TMEM130: variants seen among roughly 807,000 people sequenced by gnomAD.
TMEM130 encodes transmembrane protein 130.
TMEM130 carries 37 observed loss-of-function variants against 42.9 expected under a neutral mutation model. The ratio of observed to expected loss-of-function variants is 0.86; its 90% CI spans 0.66 to 1.13. TMEM130 has a LOEUF of 1.13. Ranked by LOEUF, TMEM130 falls within the 50% of genes most tolerant of loss-of-function variation. The pLI is 0.00. For synonymous variants in TMEM130, 259 were observed against 237.7 expected (o/e 1.09, Z -0.82); for missense variants, 545 against 562.6 (o/e 0.97, Z 0.32).
chr7:98,868,916 T>G (rs914975284), intron 1 of TMEM130, among the ~76,000 whole-genome samples: 4 of 152,202 alleles, frequency 2.6e-5, no homozygotes, highest in African/African-American at 9.7e-5. Flanking sequence ...ATCCCTGAGT[T>G]GCAGGTTTTC....
At chr7:98,850,554 C>T (rs1327832479) in intron 6 of TMEM130, among the ~76,000 whole-genome samples, 1 of 151,760 alleles carries the variant, frequency 6.6e-6, no homozygotes, top group African/African-American at 2.4e-5. Flanking sequence ...GCTGCAATTA[C>T]AGGCACGAGC....
At chr7:98,859,439 ACC>A (rs1794705652) in intron 3 of TMEM130, among the ~76,000 whole-genome samples, 1 of 152,180 alleles carries the variant, frequency 6.6e-6, no homozygotes, top group Admixed American at 6.5e-5. Flanking sequence ...TGTTTTGGGC[ACC>A]AATGGCCTCC....
intron 1 of TMEM130, among the ~76,000 whole-genome samples, chr7:98,867,205 C>A (rs1053764648): frequency 6.6e-6 from 1 of 152,138 alleles, no homozygotes; most frequent in African/African-American, 2.4e-5. Flanking sequence ...GTCTTAACCC[C>A]AAAGAGGGAA....
chr7:98,849,697 T>A (rs1307317183), intron 6 of TMEM130, among the ~76,000 whole-genome samples: 1 of 152,144 alleles, frequency 6.6e-6, no homozygotes, highest in Non-Finnish European at 1.5e-5. Context: ...TGGCATGAGC[T>A]TGGGAGCACT....
chr7:98,865,904 ACGAC>A (rs1212580647), intron 1 of TMEM130: 4 of 166,260 alleles, frequency 2.4e-5, no homozygotes, highest in African/African-American at 9.6e-5. Flanking sequence ...CAGTAGATGC[ACGAC>A]CGAGTGGGCA....
intron 1 of TMEM130, among the ~76,000 whole-genome samples, chr7:98,864,388 T>C (rs112676384): frequency 8.0e-5 from 12 of 150,844 alleles, no homozygotes; most frequent in Non-Finnish European, 1.5e-4. Flanking sequence ...TTTCTTTTTT[T>C]TTTTTTTTTG....
chr7:98,848,665 C>T lies in TMEM130; in HGVS notation c.1037G>A (p.Cys346Tyr), dbSNP rs781844215. 6.2e-7 allele frequency: 1 copy of T among 1,614,010 alleles called. No homozygotes were observed. The highest frequency in any genetic ancestry group is 2.2e-5 in the East Asian group (1 of 44,886). Reference sequence around the variant, plus strand: ...CAACATCACAGTGATAAGTGTAGCACATGGGAAAGCAAAGACAGCCGGCTG... The same window carrying T: ...CAACATCACAGTGATAAGTGTAGCATATGGGAAAGCAAAGACAGCCGGCTG... ...RIQPAVFAFP[C>Y]ATLITVMLAF... Residue 346 changes from cysteine (C) to tyrosine (Y), a missense_variant, in exon 7 of 8, where the codon TGT (cysteine) becomes TAT (tyrosine). By Grantham distance (194) the Cys-to-Tyr change is radical (BLOSUM62 -2). Transcript: ENST00000339375.
Position 98,851,408 on chromosome 7 carries a change from A to G in TMEM130, c.1006+13T>C, listed in dbSNP as rs376515329. 1.3e-4 allele frequency: 210 copies of G among 1,613,562 alleles called. No homozygotes were observed. Among genetic ancestry groups the G allele is most frequent in the Non-Finnish European group, 1.7e-4 (199 of 1,179,718 alleles). ...CCATGTGGCACTGGAGCAGAAGGCG[A>G]GGTGTCACTTACTGGAGGGCCACAC... On this transcript the variant is annotated intron_variant, in intron 6 of 7. Transcript: ENST00000339375.
chr7:98,855,850 TG>T (rs1162990082), intron 4 of TMEM130, among the ~76,000 whole-genome samples, 166 bp downstream of exon 4: 1 of 152,188 alleles, frequency 6.6e-6, no homozygotes, highest in Non-Finnish European at 1.5e-5. Flanking sequence ...ATCCCATCCG[TG>T]GCCTGCAGCG....
chr7:98,851,042 C>T (rs948971848), intron 6 of TMEM130, among the ~76,000 whole-genome samples: 3 of 151,974 alleles, frequency 2.0e-5, no homozygotes, highest in East Asian at 1.9e-4. Flanking sequence ...CTTATAGAGT[C>T]GTTAGTGGTG....
At position 98,851,619 on chromosome 7, in the gene TMEM130, G is replaced by A. The variant is rs147591838; in HGVS notation, c.808C>T (p.Pro270Ser). 5.0e-6 allele frequency: 8 copies of A among 1,608,976 alleles called. No homozygotes were observed. Among genetic ancestry groups the A allele is most frequent in the Non-Finnish European group, 6.8e-6 (8 of 1,176,632 alleles). ...TTGAGACGCCAGCACACAGTCAGAG[G>A]AGGGCTGCAGGGAAATGGGGGCGGT... ...TVTLNFLGSPPLTVCWRLKPE... is the reference protein window; with the variant it reads ...TVTLNFLGSPSLTVCWRLKPE... The change falls in exon 6 of 8, where the codon CCT (proline) becomes TCT (serine). Residue 270 changes from proline (P) to serine (S), a missense_variant. Coordinates refer to ENST00000339375, the MANE Select transcript of TMEM130 (RefSeq NM_152913.3).
intron 1 of TMEM130, among the ~76,000 whole-genome samples, chr7:98,867,510 C>T (rs1389448952): frequency 6.6e-6 from 1 of 152,154 alleles, no homozygotes; most frequent in Non-Finnish European, 1.5e-5. Flanking sequence ...TGGGCCTGAG[C>T]GAGGCTGGCA....
chr7:98,851,744 G>T (rs1794512465), intron 5 of TMEM130, 121 bp from the exon 6 acceptor site: 2 of 875,578 alleles, frequency 2.3e-6, no homozygotes, highest in Admixed American at 2.7e-5. Context: ...AGGACATCAA[G>T]CCGTCCTGGA....
intron 1 of TMEM130, among the ~76,000 whole-genome samples, chr7:98,867,498 C>T (rs913956075): frequency 2.0e-5 from 3 of 152,168 alleles, no homozygotes; most frequent in South Asian, 2.1e-4. Flanking sequence ...AGCTGAGAAG[C>T]GTGGGCCTGA....
intron 4 of TMEM130, 56 bp downstream of exon 4, chr7:98,855,961 G>C: frequency 1.3e-6 from 2 of 1,583,086 alleles, no homozygotes; most frequent in Non-Finnish European, 8.6e-7. Context: ...TGATCTGTGC[G>C]TACGGTGACC....
chr7:98,862,747 G>A (rs1318564007), intron 2 of TMEM130, among the ~76,000 whole-genome samples: 1 of 152,146 alleles, frequency 6.6e-6, no homozygotes, highest in East Asian at 1.9e-4. Context: ...CGATCCACCT[G>A]CCTCGGCCTC....
chr7:98,847,931 A>C lies in TMEM130; in HGVS notation c.*125T>G. The C allele has an allele frequency of 1.1e-6, 1 of 903,382 alleles. No homozygotes were observed. The highest frequency in any genetic ancestry group is 1.7e-6 in the Non-Finnish European group (1 of 581,808). The allele number at this position is 903,382 out of a possible 1,614,324, so 56.0% of individuals were successfully genotyped here. On this transcript the variant is annotated 3_prime_UTR_variant, in exon 8 of 8. Coordinates refer to ENST00000339375, the MANE Select transcript of TMEM130 (RefSeq NM_152913.3). ...GGCAGTGGCTGAACTGTACAGATGGATGGATGATCCAGGCCAACAGCCCCA... is the reference window on the plus strand; with the variant it reads ...GGCAGTGGCTGAACTGTACAGATGGCTGGATGATCCAGGCCAACAGCCCCA...
At chr7:98,856,384 A>G (rs1468831221) in intron 3 of TMEM130, among the ~76,000 whole-genome samples, 11 of 152,234 alleles carry the variant, frequency 7.2e-5, no homozygotes, top group Admixed American at 5.9e-4. Context: ...CCAGATGAGC[A>G]AACCGAGGCC....
chr7:98,846,930 A>G lies in TMEM130; in HGVS notation c.*1126T>C, dbSNP rs1243291645. 2 of 151,248 alleles carry G rather than the reference A, an allele frequency of 1.3e-5. No homozygotes were observed. Among genetic ancestry groups the G allele is most frequent in the African/African-American group, 4.9e-5 (2 of 41,014 alleles). The allele number at this position is 151,248 out of a possible 1,614,324, so 9.4% of individuals were successfully genotyped here. A position where few individuals can be genotyped will look rare whatever the true frequency, so the allele number is the denominator to read the frequency against. On this transcript the variant is annotated 3_prime_UTR_variant, in exon 8 of 8. Transcript: ENST00000339375. ...GAGTGCAGTGGCGCCATCTGGGCTC[A>G]CTGCAAGCTCCGCCTCCCGGGTTCG...
Sources: allele counts gnomAD v4.1 joint callset (sites outside exome capture counted in the v4.1 genomes callset), GRCh38; gene constraint gnomAD v4.1.1; transcripts MANE v1.5; gene names NCBI Gene and HGNC (gene_info 2026-07-23, HGNC 2026-07-21).